RNF130: variants seen among roughly 807,000 people sequenced by gnomAD.
RNF130 encodes the protein E3 ubiquitin-protein ligase RNF130.
RNF130 carries 21 observed loss-of-function variants against 44.6 expected under a neutral mutation model. The ratio of observed to expected loss-of-function variants is 0.47; its 90% confidence interval spans 0.33 to 0.68. The LOEUF is 0.68. Ranked by LOEUF, RNF130 falls within the 30% of genes least tolerant of loss-of-function variation. The pLI, the probability that RNF130 is intolerant of heterozygous loss-of-function variation, is 0.02. For synonymous variants in RNF130, 214 were observed against 210.4 expected (o/e 1.02, Z -0.15); for missense variants, 479 against 560.6 (o/e 0.85, Z 1.47).
At chr5:179,961,111 T>TA (rs113457529) in intron 8 of RNF130, among the ~76,000 whole-genome samples, 7,949 of 144,832 alleles carry the variant, frequency 0.055, 711 homozygotes, top group African/African-American at 0.18. Context: ...TGCTTACTGT[T>TA]AAAAAAAAAA....
intron 6 of RNF130, among the ~76,000 whole-genome samples, chr5:179,969,964 T>C (rs550950468): frequency 6.6e-6 from 1 of 152,008 alleles, no homozygotes; most frequent in African/African-American, 2.4e-5. Context: ...GTACTCCAGC[T>C]TGGGCAACAA....
chr5:180,024,296 G>T (rs191189757), intron 2 of RNF130, among the ~76,000 whole-genome samples: 1 of 152,282 alleles, frequency 6.6e-6, no homozygotes, highest in East Asian at 1.9e-4. Flanking sequence ...AATAGACTTT[G>T]GTTAATAATT....
intron 1 of RNF130, among the ~76,000 whole-genome samples, chr5:180,071,219 G>C (rs1168088550): frequency 1.3e-5 from 2 of 152,210 alleles, no homozygotes; most frequent in Non-Finnish European, 2.9e-5. Flanking sequence ...CTGCCTGAAC[G>C]CAAAGATGAC....
chr5:179,945,537 G>C (rs1379445323), intron 7 of RNF130, among the ~76,000 whole-genome samples: 2 of 152,152 alleles, frequency 1.3e-5, no homozygotes, highest in Non-Finnish European at 2.9e-5. Flanking sequence ...TGCTGTTACA[G>C]TGACTTTTAT....
chr5:180,038,710 A>AT (rs1320992140), intron 2 of RNF130, among the ~76,000 whole-genome samples: 1 of 151,740 alleles, frequency 6.6e-6, no homozygotes, highest in East Asian at 1.9e-4. Flanking sequence ...AAGTAATTTA[A>AT]TTTTTTTTTA....
chr5:179,977,840 G>C lies in RNF130; in HGVS notation c.848+363C>G, dbSNP rs1351840374. Among the ~76,000 whole-genome samples, 2 of 152,200 alleles carry C rather than the reference G, an allele frequency of 1.3e-5. No individual in the cohort carries two copies. Among genetic ancestry groups the C allele is most frequent in the Non-Finnish European group, 2.9e-5 (2 of 68,042 alleles). ...GCACACTCCAGCCTGGGGTGACAGA[G>C]CGAGACTCCGTCTCAAAAAATAAAT... On this transcript the variant is annotated intron_variant, in intron 5 of 8. Transcript: ENST00000521389. The surrounding 1 kb of genome is among the most constrained non-coding windows in gnomAD (Gnocchi z 4.1).
intron 1 of RNF130, among the ~76,000 whole-genome samples, chr5:180,057,738 G>T (rs923298232): frequency 1.3e-5 from 2 of 152,124 alleles, no homozygotes; most frequent in African/African-American, 2.4e-5. Flanking sequence ...CTCTTAATTT[G>T]TATCTTACAT....
chr5:179,938,318 T>C (rs963522369), intron 7 of RNF130, among the ~76,000 whole-genome samples: 4 of 152,138 alleles, frequency 2.6e-5, no homozygotes, highest in African/African-American at 9.6e-5. Context: ...AAAGGTCACA[T>C]ACTTTGCATG....
intron 5 of RNF130, among the ~76,000 whole-genome samples, chr5:179,974,962 T>C (rs995322751): frequency 1.3e-5 from 2 of 152,218 alleles, no homozygotes; most frequent in Non-Finnish European, 2.9e-5. Flanking sequence ...AGCGGTCCTC[T>C]GAGAGTGAAG....
At chr5:179,939,809 G>T (rs1191645360) in intron 7 of RNF130, 1 of 383,422 alleles carries the variant, frequency 2.6e-6, no homozygotes, top group Non-Finnish European at 5.0e-6. Flanking sequence ...GGTCTTCAAA[G>T]AAGTTGAATG....
At chr5:179,930,045 TTTTA>T (rs1353336319) in intron 7 of RNF130, among the ~76,000 whole-genome samples, 6 of 152,280 alleles carry the variant, frequency 3.9e-5, no homozygotes, top group African/African-American at 7.2e-5. Flanking sequence ...GAAAATTTCA[TTTTA>T]TTTATTTATC....
intron 7 of RNF130, among the ~76,000 whole-genome samples, chr5:179,928,041 C>G (rs1027223793): frequency 1.3e-5 from 2 of 152,168 alleles, no homozygotes; most frequent in Non-Finnish European, 2.9e-5. Flanking sequence ...TTTTCACCGC[C>G]GCATCATGTT....
chr5:180,046,051 G>A (rs1764557945), intron 1 of RNF130, among the ~76,000 whole-genome samples: 1 of 152,088 alleles, frequency 6.6e-6, no homozygotes, highest in Admixed American at 6.5e-5. Flanking sequence ...GAGGGGGGTG[G>A]GGCTCGGGCA....
intron 1 of RNF130, among the ~76,000 whole-genome samples, chr5:180,065,025 A>C (rs1765068823): frequency 6.6e-6 from 1 of 152,170 alleles, no homozygotes; most frequent in South Asian, 2.1e-4. Flanking sequence ...CTCTTTTCTT[A>C]CTAGAGAAAA....
chr5:179,990,314 GGA>G (rs1013808696), intron 3 of RNF130, among the ~76,000 whole-genome samples: 97 of 152,272 alleles, frequency 6.4e-4, no homozygotes, highest in African/African-American at 2.3e-3. Context: ...TAGCCGAGGC[GGA>G]GAGAGAGAGG....
rs764269484 is a variant in RNF130, at chr5:179,966,800, A to T, written c.1150+6T>A. On this transcript the variant is annotated splice_donor_region_variant and intron_variant, in intron 7 of 8. Transcript: ENST00000521389. ...GCCCTGTGCCTGAGCGGAGGCCCCCACTTACTTGTTACTGCAATGTTGATT... is the reference window on the plus strand; with the variant it reads ...GCCCTGTGCCTGAGCGGAGGCCCCCTCTTACTTGTTACTGCAATGTTGATT... 6.2e-7 allele frequency: 1 copy of T among 1,611,716 alleles called. No homozygotes were observed. The highest frequency in any genetic ancestry group is 1.3e-5 in the African/African-American group (1 of 74,756).
chr5:179,948,355 G>A (rs1010047194), intron 7 of RNF130, among the ~76,000 whole-genome samples: 1 of 152,112 alleles, frequency 6.6e-6, no homozygotes, highest in African/African-American at 2.4e-5. Context: ...CTGTTTCACC[G>A]GGACTCTATT....
intron 3 of RNF130, among the ~76,000 whole-genome samples, chr5:179,999,182 G>A (rs576400507): frequency 2.6e-5 from 4 of 151,114 alleles, no homozygotes; most frequent in South Asian, 4.2e-4. Context: ...TCACCATGCC[G>A]GGCTGATTTT....
chr5:179,980,489 G>C (rs760885714), intron 3 of RNF130: 1 of 357,292 alleles, frequency 2.8e-6, no homozygotes, highest in Non-Finnish European at 5.3e-6. Flanking sequence ...GCTGCATTTT[G>C]TGTCGAATAA....
Sources: allele counts gnomAD v4.1 joint callset (sites outside exome capture counted in the v4.1 genomes callset), GRCh38; gene constraint gnomAD v4.1.1; non-coding constraint Gnocchi (gnomAD v3.1); transcripts MANE v1.5; gene names NCBI Gene and HGNC (gene_info 2026-07-23, HGNC 2026-07-21).